BTRC: variants seen among roughly 807,000 people sequenced by gnomAD.
BTRC encodes the protein beta-transducin repeat containing E3 ubiquitin protein ligase.
Under a neutral mutation model 85.5 loss-of-function variants are expected in BTRC, and 42 were observed. That is an observed-to-expected ratio of 0.49 (90% CI 0.38 to 0.64). The LOEUF (loss-of-function observed/expected upper bound fraction) is 0.64. Ranked by LOEUF, BTRC falls within the 30% of genes least tolerant of loss-of-function variation. BTRC has a pLI of 0.00. For synonymous variants in BTRC, 255 were observed against 263.3 expected (o/e 0.97, Z 0.30); for missense variants, 594 against 743.5 (o/e 0.80, Z 2.34).
At chr10:101,448,950 C>A (rs763291199) in intron 2 of BTRC, among the ~76,000 whole-genome samples, 1 of 151,376 alleles carries the variant, frequency 6.6e-6, no homozygotes, top group Non-Finnish European at 1.5e-5. Context: ...TTTTAAAGAC[C>A]CGAAGAGACA....
chr10:101,509,479 C>T (rs1307665279), intron 4 of BTRC, among the ~76,000 whole-genome samples: 1 of 149,422 alleles, frequency 6.7e-6, no homozygotes, highest in Non-Finnish European at 1.5e-5. Context: ...TGGTCTCGAT[C>T]TCCTGACCTC....
intron 3 of BTRC, among the ~76,000 whole-genome samples, chr10:101,471,249 G>A (rs1945516445): frequency 6.6e-6 from 1 of 152,156 alleles, no homozygotes. Flanking sequence ...GGGGCTGGGT[G>A]TGGTGGCTCC....
At chr10:101,364,907 A>G (rs1442606522) in intron 1 of BTRC, 1 of 151,264 alleles carries the variant, frequency 6.6e-6, no homozygotes, top group African/African-American at 2.4e-5. Flanking sequence ...GGACGGAGCA[A>G]GCTCCTATTC....
intron 2 of BTRC, among the ~76,000 whole-genome samples, chr10:101,438,451 G>C (rs1416201838): frequency 8.2e-5 from 5 of 61,146 alleles, no homozygotes; most frequent in Non-Finnish European, 9.8e-5. Context: ...AAAAAAAAAA[G>C]TCTTCTCATT....
chr10:101,512,246 C>A (rs1195217338), intron 4 of BTRC, among the ~76,000 whole-genome samples: 1 of 152,206 alleles, frequency 6.6e-6, no homozygotes, highest in African/African-American at 2.4e-5. Context: ...CTATTTTATT[C>A]TTAAATTAAT....
At chr10:101,491,061 A>G (rs906657614) in intron 4 of BTRC, among the ~76,000 whole-genome samples, 3 of 27,284 alleles carry the variant, frequency 1.1e-4, no homozygotes, top group Non-Finnish European at 2.0e-4. Context: ...TCTGTCTCAA[A>G]AAAAAAAAAA....
chr10:101,497,198 C>G (rs188382010), intron 4 of BTRC, among the ~76,000 whole-genome samples: 1 of 152,194 alleles, frequency 6.6e-6, no homozygotes, highest in East Asian at 1.9e-4. Flanking sequence ...TTTCTTTGAC[C>G]ATATGCTTAT....
Position 101,404,007 on chromosome 10 carries a change from T to C in BTRC, c.49-26338T>C, listed in dbSNP as rs1051247196. ...CTATGTGTATGTGTGTGTGTGTATA[T>C]ATATATATATATATATATATATATT... On this transcript the variant is annotated intron_variant, in intron 1 of 14. Coordinates refer to ENST00000370187, the MANE Select transcript of BTRC (RefSeq NM_033637.4). Among the ~76,000 whole-genome samples, 5 of 18,164 alleles carry C rather than the reference T, an allele frequency of 2.8e-4. No homozygotes were observed. The Admixed American group carries it at 3.2e-3, about 12-fold the overall frequency. The allele number at this position is 18,164 out of a possible 152,430, so 11.9% of individuals were successfully genotyped here. A position where few individuals can be genotyped will look rare whatever the true frequency, so the allele number is the denominator to read the frequency against.
chr10:101,453,887 T>C (rs1945010151), intron 2 of BTRC, among the ~76,000 whole-genome samples: 1 of 152,232 alleles, frequency 6.6e-6, no homozygotes, highest in Admixed American at 6.5e-5. Context: ...TTGTGGGAGA[T>C]AGGATCTTTC....
At position 101,444,276 on chromosome 10, in the gene BTRC, C is replaced by T. The variant is rs975563990; in HGVS notation, c.156+13824C>T. On this transcript the variant is annotated intron_variant, in intron 2 of 14. Coordinates refer to ENST00000370187, the MANE Select transcript of BTRC (RefSeq NM_033637.4). ...ATGATAATATTTGTTACAATGCCTC[C>T]TACTGGTTGATCATAGATTTTCAAT... is the stretch of plus-strand genomic sequence containing the variant. 5.3e-5 allele frequency among the ~76,000 whole-genome samples: 8 copies of T among 152,284 alleles called. No homozygotes were observed. In the East Asian group the frequency reaches 1.5e-3, roughly 29 times the overall value.
At chr10:101,534,297 A>G (rs1404806241) in intron 9 of BTRC, among the ~76,000 whole-genome samples, 1 of 152,138 alleles carries the variant, frequency 6.6e-6, no homozygotes, top group Non-Finnish European at 1.5e-5. Context: ...GGCCTATTTC[A>G]TTTCTGGCTC....
At chr10:101,399,067 A>G (rs999008511) in intron 1 of BTRC, among the ~76,000 whole-genome samples, 28 of 152,056 alleles carry the variant, frequency 1.8e-4, no homozygotes, top group Non-Finnish European at 2.4e-4. Context: ...ATTCTCCTGC[A>G]TCAGCCTCCT....
intron 6 of BTRC, 21 bp from the exon 7 acceptor site, chr10:101,531,216 G>T (rs749255290): frequency 1.3e-6 from 2 of 1,509,614 alleles, no homozygotes; most frequent in Non-Finnish European, 1.8e-6. Flanking sequence ...TTTTCACTGG[G>T]AAATATTTGT....
chr10:101,404,028 A>ATTTTTTTTTT (rs1176999196), intron 1 of BTRC, among the ~76,000 whole-genome samples: 3 of 31,094 alleles, frequency 9.6e-5, no homozygotes, highest in Non-Finnish European at 1.6e-4. Flanking sequence ...ATATATATAT[A>ATTTTTTTTTT]TATTTTTTTT....
intron 2 of BTRC, among the ~76,000 whole-genome samples, chr10:101,455,206 A>G (rs1014852884): frequency 4.1e-5 from 6 of 147,436 alleles, no homozygotes; most frequent in African/African-American, 1.5e-4. Flanking sequence ...ATGTGCCACT[A>G]TGCCCAGCTA....
intron 1 of BTRC, among the ~76,000 whole-genome samples, chr10:101,397,095 C>T (rs186164062): frequency 2.6e-5 from 4 of 152,258 alleles, no homozygotes; most frequent in Admixed American, 6.5e-5. Flanking sequence ...TGAGCCACTG[C>T]GCCCAGCCTG....
chr10:101,489,364 T>A (rs1188189532), intron 4 of BTRC, among the ~76,000 whole-genome samples: 1 of 152,188 alleles, frequency 6.6e-6, no homozygotes, highest in Admixed American at 6.5e-5. Context: ...ATTTTGCAGA[T>A]CCTTTTCTGC....
chr10:101,424,228 C>T (rs935988505), intron 1 of BTRC, among the ~76,000 whole-genome samples: 1 of 152,042 alleles, frequency 6.6e-6, no homozygotes, highest in African/African-American at 2.4e-5. Flanking sequence ...AAGTAAAACT[C>T]TGTCTCAAAG....
At chr10:101,419,248 C>T (rs12777717) in intron 1 of BTRC, among the ~76,000 whole-genome samples, 44,998 of 151,832 alleles carry the variant, frequency 0.3, 7,657 homozygotes, top group Middle Eastern at 0.46. Context: ...TGACCTCAGG[C>T]GATCCACCCA....
Sources: gnomAD v4.1 joint callset for allele counts (sites outside exome capture counted in the v4.1 genomes callset) on GRCh38, gnomAD v4.1.1 for gene constraint, MANE v1.5 for transcripts, NCBI Gene and HGNC (gene_info 2026-07-23, HGNC 2026-07-21) for gene names.